Variants in P3H2 observed in about 807,000 individuals in gnomAD.
The protein encoded by P3H2 is leprecan-like 1.
A neutral mutation model predicts 87.0 loss-of-function variants in P3H2; 80 were observed. The ratio of observed to expected loss-of-function variants is 0.92; its 90% confidence interval spans 0.77 to 1.11. The LOEUF is 1.11. Ranked by LOEUF, P3H2 falls within the 50% of genes least tolerant of loss-of-function variation. P3H2 has a pLI of 0.00. For missense variants in P3H2, 1,001 were observed against 923.9 expected (o/e 1.08, Z -1.08); for synonymous variants, 367 against 359.3 (o/e 1.02, Z -0.24).
chr3:190,037,343 A>T (rs1191451616), intron 1 of P3H2, among the ~76,000 whole-genome samples: 1 of 152,188 alleles, frequency 6.6e-6, no homozygotes. Flanking sequence ...TTTAGAATCT[A>T]GTATAAGCTC....
At chr3:190,095,308 A>ATATATG (rs1727536260) in intron 1 of P3H2, among the ~76,000 whole-genome samples, 1 of 27,036 alleles carries the variant, frequency 3.7e-5, no homozygotes, top group African/African-American at 1.1e-4. Flanking sequence ...CAAAACATAT[A>ATATATG]TATATATATA....
intron 1 of P3H2, among the ~76,000 whole-genome samples, chr3:190,041,202 G>A (rs1212434265): frequency 1.4e-5 from 2 of 141,766 alleles, no homozygotes; most frequent in African/African-American, 5.1e-5. Context: ...AGCCTAGGAG[G>A]TTAAGGCTGC....
intron 1 of P3H2, among the ~76,000 whole-genome samples, chr3:190,046,660 T>C (rs1423906787): frequency 1.3e-5 from 2 of 151,628 alleles, no homozygotes; most frequent in Non-Finnish European, 2.9e-5. Context: ...AACAATCAGA[T>C]ATAAACTCAA....
intron 1 of P3H2, among the ~76,000 whole-genome samples, chr3:190,077,204 A>G (rs1345044024): frequency 6.6e-6 from 1 of 152,156 alleles, no homozygotes; most frequent in East Asian, 1.9e-4. Flanking sequence ...ACATGTTCTC[A>G]TTCCTGAGCC....
intron 1 of P3H2, among the ~76,000 whole-genome samples, chr3:190,066,143 G>GTGTATATATATATATATATATATA (rs58939026): frequency 9.4e-5 from 13 of 138,756 alleles, no homozygotes; most frequent in African/African-American, 3.2e-4. Flanking sequence ...ACTGTGGTGT[G>GTGTATATATATATATATATATATA]TATATATATA....
intron 13 of P3H2, chr3:189,969,726 T>A: frequency 1.3e-6 from 2 of 1,502,634 alleles, no homozygotes; most frequent in Admixed American, 3.3e-5. Context: ...TTCCCCAAAA[T>A]TAAGACATCA....
At chr3:190,113,685 T>C (rs1470669666) in intron 1 of P3H2, among the ~76,000 whole-genome samples, 1 of 152,200 alleles carries the variant, frequency 6.6e-6, no homozygotes, top group East Asian at 1.9e-4. Context: ...GCTACCCCTT[T>C]GGAGTTTATC....
Position 190,017,540 on chromosome 3 carries a change from T to C in P3H2, c.481-22098A>G, listed in dbSNP as rs189769398. ...CAAGTCCTGAAGACAGCTTGCATAA[T>C]GGGAAATGGATTTTAGCAGAAATTC... is the stretch of plus-strand genomic sequence containing the variant. On this transcript the variant is annotated intron_variant, in intron 1 of 14. Transcript: ENST00000319332. 1.3e-4 allele frequency among the ~76,000 whole-genome samples: 20 copies of C among 152,306 alleles called. No individual in the cohort carries two copies. The East Asian group carries it at 3.3e-3, about 25-fold the overall frequency.
chr3:190,009,246 T>G (rs1724490315), intron 1 of P3H2, among the ~76,000 whole-genome samples: 1 of 152,160 alleles, frequency 6.6e-6, no homozygotes, highest in South Asian at 2.1e-4. Context: ...TAAGCACATA[T>G]TAGGTTTTAT....
chr3:190,052,057 A>C (rs1052347494), intron 1 of P3H2, among the ~76,000 whole-genome samples: 9 of 152,210 alleles, frequency 5.9e-5, no homozygotes, highest in Admixed American at 5.9e-4. Flanking sequence ...AAGTGGAGAA[A>C]TAGAATAAAC....
At chr3:190,034,853 C>CTTTT (rs58325211) in intron 1 of P3H2, among the ~76,000 whole-genome samples, 1 of 140,278 alleles carries the variant, frequency 7.1e-6, no homozygotes, top group Admixed American at 7.1e-5. Context: ...CTTTTCTTTT[C>CTTTT]TTTTTTTTTT....
upstream of P3H2, chr3:190,121,658 C>T (rs556571336): frequency 6.6e-6 from 1 of 152,166 alleles, no homozygotes; most frequent in Non-Finnish European, 1.5e-5. Flanking sequence ...GCCCAGAGAA[C>T]CTTTGGAGGC....
In P3H2 at chr3:189,973,507, C is replaced by CTTTTTTTTTTTTTTTTTTTTTTTTTTT. The variant is rs879286759; in HGVS notation, c.1548+401_1548+402insAAAAAAAAAAAAAAAAAAAAAAAAAAA. Reference sequence around the variant, plus strand: ...TCAAAACTTTTTTCTTTCTTTCTTTCTTTCTTTTTTTTTTTTTTTTTTTTT... The same window carrying CTTTTTTTTTTTTTTTTTTTTTTTTTTT: ...TCAAAACTTTTTTCTTTCTTTCTTTCTTTTTTTTTTTTTTTTTTTTTTTTTTTTTTCTTTTTTTTTTTTTTTTTTTTT... On this transcript the variant is annotated intron_variant, in intron 10 of 14. Transcript: ENST00000319332. Among the ~76,000 whole-genome samples the CTTTTTTTTTTTTTTTTTTTTTTTTTTT allele has an allele frequency of 2.2e-4, 17 of 78,974 alleles. 1 individual carries two copies. Among genetic ancestry groups the CTTTTTTTTTTTTTTTTTTTTTTTTTTT allele is most frequent in the African/African-American group, 8.0e-4 (17 of 21,314 alleles). 51.8% of individuals were successfully genotyped at this position (78,974 alleles called of 152,430 possible). A position where few individuals can be genotyped will look rare whatever the true frequency, so the allele number is the denominator to read the frequency against.
chr3:189,970,887 G>A lies in P3H2; in HGVS notation c.1822C>T (p.Leu608Phe), dbSNP rs368494797. Residue 608 changes from leucine to phenylalanine, a missense_variant, in exon 13 of 15, where the codon CTC becomes TTC. Leu to Phe is a conservative substitution (Grantham distance 22). Transcript: ENST00000319332. Reference sequence around the variant, plus strand: ...TCAAAGTCATCATTCATATATAGGAGAGCACTATAAGAATGAAGAGAAAAC... The same window carrying A: ...TCAAAGTCATCATTCATATATAGGAAAGCACTATAAGAATGAAGAGAAAAC... ...PAYTFRDYSA[L>F]LYMNDDFEGG... The A allele has an allele frequency of 1.8e-5, 28 of 1,537,812 alleles. No individual in the cohort carries two copies. The highest frequency in any genetic ancestry group is 2.5e-5 in the Non-Finnish European group (28 of 1,110,652).
chr3:189,964,827 C>T (rs986214349), intron 13 of P3H2, among the ~76,000 whole-genome samples: 2 of 152,148 alleles, frequency 1.3e-5, no homozygotes, highest in African/African-American at 2.4e-5. Context: ...CTGTCCACAG[C>T]GTTTAGGTAG....
At chr3:190,112,104 T>C (rs1712091266) in intron 1 of P3H2, among the ~76,000 whole-genome samples, 1 of 152,218 alleles carries the variant, frequency 6.6e-6, no homozygotes, top group Non-Finnish European at 1.5e-5. Flanking sequence ...ATATTAGATG[T>C]GAGCTCATTG....
intron 2 of P3H2, 94 bp downstream of exon 2, chr3:189,995,196 A>T: frequency 5.9e-6 from 7 of 1,178,650 alleles, no homozygotes; most frequent in Non-Finnish European, 8.8e-6. Context: ...AATAAACTTT[A>T]TGAGATATTC....
At chr3:190,119,136 AGAGGGGAGGGGAGGGGAGGG>A (rs1217756973) in intron 1 of P3H2, among the ~76,000 whole-genome samples, 2 of 25,930 alleles carry the variant, frequency 7.7e-5, no homozygotes, top group Non-Finnish European at 7.8e-5. Context: ...AGAGGAGAGG[AGAGGGGAGGGGAGGGGAGGG>A]GAGGGGAGGG....
intron 12 of P3H2, 128 bp downstream of exon 12, chr3:189,971,762 A>C (rs1723184297): frequency 1.4e-6 from 1 of 715,674 alleles, no homozygotes; most frequent in Admixed American, 2.0e-5. Flanking sequence ...CTACTTCAGA[A>C]GATTATTTGA....
Sources: allele counts gnomAD v4.1 joint callset (sites outside exome capture counted in the v4.1 genomes callset), GRCh38; gene constraint gnomAD v4.1.1; transcripts MANE v1.5; gene names NCBI Gene and HGNC (gene_info 2026-07-23, HGNC 2026-07-21).